The following PTPN4 variants were observed in gnomAD, a reference collection of about 807,000 sequenced individuals.
The protein encoded by PTPN4 is tyrosine-protein phosphatase non-receptor type 4.
In PTPN4, 49 loss-of-function variants were observed where a neutral mutation model predicts 135.5. That is an observed-to-expected ratio of 0.36 (90% CI 0.29 to 0.46). The LOEUF (loss-of-function observed/expected upper bound fraction) is 0.46. PTPN4 is among the 20% of genes least tolerant of loss of function. The pLI, the probability that PTPN4 is intolerant of heterozygous loss-of-function variation, is 1.00. For synonymous variants in PTPN4, 333 were observed against 369.9 expected (o/e 0.90, Z 1.14); for missense variants, 860 against 1,101.0 (o/e 0.78, Z 3.10).
At chr2:119,799,476 A>G (rs1361161331) in intron 1 of PTPN4, among the ~76,000 whole-genome samples, 2 of 152,224 alleles carry the variant, frequency 1.3e-5, no homozygotes, top group Non-Finnish European at 2.9e-5. Flanking sequence ...AAAGTTGGCC[A>G]TTTAAAAGGG....
At chr2:119,844,301 C>T (rs1044021520) in intron 2 of PTPN4, among the ~76,000 whole-genome samples, 27 of 136,132 alleles carry the variant, frequency 2.0e-4, no homozygotes, top group South Asian at 9.7e-4. Flanking sequence ...ACCTCCCTCC[C>T]GGACGGGGCG....
rs564103025 is a variant in PTPN4, at chr2:119,961,901, G to A, written c.2281-715G>A. On this transcript the variant is annotated intron_variant, in intron 23 of 26. Transcript: ENST00000263708. ...GGGGTAAGGATGGGGGAACGGATGA[G>A]GAAGAATGAACAATGACTACTAATT... Among the ~76,000 whole-genome samples, 20 of 152,262 alleles carry A rather than the reference G, an allele frequency of 1.3e-4. No homozygotes were observed. The South Asian group carries it at 3.9e-3, about 30-fold the overall frequency.
chr2:119,886,887 C>G (rs972483200), intron 9 of PTPN4, among the ~76,000 whole-genome samples: 3 of 152,096 alleles, frequency 2.0e-5, no homozygotes, highest in African/African-American at 7.2e-5. Flanking sequence ...TTGCTTTCCT[C>G]ACATGATTTT....
intron 3 of PTPN4, among the ~76,000 whole-genome samples, chr2:119,874,825 T>C (rs1677962415): frequency 6.6e-6 from 1 of 152,164 alleles, no homozygotes; most frequent in African/African-American, 2.4e-5. Context: ...GGCATATGCA[T>C]TTTATAATTT....
chr2:119,782,144 C>T (rs769148027), intron 1 of PTPN4, among the ~76,000 whole-genome samples: 10 of 152,082 alleles, frequency 6.6e-5, no homozygotes, highest in African/African-American at 1.2e-4. Context: ...TGGCTGGGCG[C>T]GGTGGCTCAC....
intron 15 of PTPN4, among the ~76,000 whole-genome samples, chr2:119,943,872 A>G (rs1413347607): frequency 4.6e-5 from 7 of 152,008 alleles, no homozygotes; most frequent in South Asian, 2.1e-4. Context: ...GATTACAGGC[A>G]TGAGCCACTG....
chr2:119,785,847 G>A (rs1691037180), intron 1 of PTPN4, among the ~76,000 whole-genome samples: 2 of 152,084 alleles, frequency 1.3e-5, no homozygotes, highest in African/African-American at 2.4e-5. Context: ...AGTTTTCATG[G>A]TATGTATGAA....
chr2:119,930,182 A>T (rs1239701749), intron 13 of PTPN4, among the ~76,000 whole-genome samples: 1 of 152,162 alleles, frequency 6.6e-6, no homozygotes, highest in Admixed American at 6.5e-5. Context: ...ATAATGGGAA[A>T]TGTTCACACC....
At chr2:119,788,946 T>C (rs1299487897) in intron 1 of PTPN4, among the ~76,000 whole-genome samples, 1 of 152,204 alleles carries the variant, frequency 6.6e-6, no homozygotes, top group African/African-American at 2.4e-5. Context: ...GAAGTGAAAT[T>C]GCTGAATCAT....
chr2:119,968,234 G>A (rs954876271), intron 26 of PTPN4, among the ~76,000 whole-genome samples: 2 of 152,140 alleles, frequency 1.3e-5, no homozygotes, highest in Non-Finnish European at 2.9e-5. Context: ...GCAGAGTTTA[G>A]AAGTTGCAAC....
chr2:119,883,199 T>A lies in PTPN4; in HGVS notation c.587+576T>A, dbSNP rs116737799. ...TTTCAGTCAACATTCGGTGAAAACT[T>A]TGTTTCATACACAGAATTATTTTAA... On this transcript the variant is annotated intron_variant, in intron 8 of 26. Coordinates refer to ENST00000263708, the MANE Select transcript of PTPN4 (RefSeq NM_002830.4). Among the ~76,000 whole-genome samples the A allele has an allele frequency of 3.2e-3, 493 of 152,240 alleles. 2 individuals are homozygous for A. Among genetic ancestry groups the A allele is most frequent in the African/African-American group, 0.011 (466 of 41,564 alleles).
intron 11 of PTPN4, among the ~76,000 whole-genome samples, chr2:119,918,292 T>C (rs1247833754): frequency 6.6e-6 from 1 of 152,220 alleles, no homozygotes; most frequent in Non-Finnish European, 1.5e-5. Flanking sequence ...AGAATTTCTT[T>C]AACCGGACAT....
Position 119,980,800 on chromosome 2 carries a change from G to C in PTPN4, c.*3730G>C, listed in dbSNP as rs1257312649. ...CTGACAGAACATAAGCTTTTGTAAAGTATTTAGACTGATAACACATGCAGT... is the reference window on the plus strand; with the variant it reads ...CTGACAGAACATAAGCTTTTGTAAACTATTTAGACTGATAACACATGCAGT... On this transcript the variant is annotated 3_prime_UTR_variant, in exon 27 of 27. Transcript: ENST00000263708. The C allele has an allele frequency of 2.6e-5, 4 of 151,964 alleles. No homozygotes were observed. Among genetic ancestry groups the C allele is most frequent in the Non-Finnish European group, 5.9e-5 (4 of 67,906 alleles). The allele number at this position is 151,964 out of a possible 1,614,324, so 9.4% of individuals were successfully genotyped here.
chr2:119,837,110 AG>A (rs1387786368), intron 2 of PTPN4, among the ~76,000 whole-genome samples: 28 of 152,104 alleles, frequency 1.8e-4, no homozygotes, highest in Admixed American at 1.8e-3. Flanking sequence ...CACAGCCTGG[AG>A]GGGGATAACT....
At chr2:119,804,759 T>A (rs1691437943) in intron 1 of PTPN4, among the ~76,000 whole-genome samples, 1 of 152,224 alleles carries the variant, frequency 6.6e-6, no homozygotes, top group South Asian at 2.1e-4. Context: ...TGTGTCTTTA[T>A]AGCAGAATGA....
intron 1 of PTPN4, among the ~76,000 whole-genome samples, chr2:119,791,494 T>G (rs1312296780): frequency 2.0e-5 from 3 of 152,194 alleles, no homozygotes; most frequent in Non-Finnish European, 4.4e-5. Context: ...CAAATTCTTT[T>G]AGGTTTTGTT....
chr2:119,930,107 G>A (rs1018891862), intron 13 of PTPN4, among the ~76,000 whole-genome samples: 9 of 151,980 alleles, frequency 5.9e-5, no homozygotes, highest in African/African-American at 2.2e-4. Flanking sequence ...GCAATATGAG[G>A]GAGTTGAACT....
intron 1 of PTPN4, among the ~76,000 whole-genome samples, chr2:119,793,970 C>A (rs111432390): frequency 0.024 from 3,476 of 143,490 alleles, 128 homozygotes; most frequent in African/African-American, 0.08. Context: ...ATCCTCCTAT[C>A]TCAACTGGGA....
chr2:119,847,558 C>T (rs1677523748), intron 2 of PTPN4, among the ~76,000 whole-genome samples: 1 of 152,022 alleles, frequency 6.6e-6, no homozygotes, highest in Non-Finnish European at 1.5e-5. Context: ...AACTCCTGAC[C>T]TCAGGTGATC....
Sources: allele counts gnomAD v4.1 joint callset (sites outside exome capture counted in the v4.1 genomes callset), GRCh38; gene constraint gnomAD v4.1.1; transcripts MANE v1.5; gene names NCBI Gene and HGNC (gene_info 2026-07-23, HGNC 2026-07-21).